MAGI2: variants seen among roughly 807,000 people sequenced by gnomAD.
MAGI2 encodes membrane associated guanylate kinase, WW and PDZ domain containing 2.
In MAGI2, 35 loss-of-function variants were observed where a neutral mutation model predicts 133.3. The ratio of observed to expected loss-of-function variants is 0.26; its 90% confidence interval spans 0.20 to 0.35. MAGI2 has a LOEUF of 0.35. Among genes scored for constraint, MAGI2 ranks in the 10% least tolerant of loss-of-function variants. The pLI is 1.00. For missense variants in MAGI2, 1,636 were observed against 1,863.4 expected, an observed-to-expected ratio of 0.88 and a Z score of 2.25; for synonymous variants, 729 against 710.6, an observed-to-expected ratio of 1.03 and a Z score of -0.41.
intron 2 of MAGI2, among the ~76,000 whole-genome samples, chr7:78,902,037 A>G (rs916043620): frequency 5.3e-5 from 8 of 152,198 alleles, no homozygotes; most frequent in Non-Finnish European, 1.2e-4. Context: ...CTTTATAGGA[A>G]GTGTAAAACC....
At chr7:78,854,974 T>A (rs1793498074) in intron 2 of MAGI2, among the ~76,000 whole-genome samples, 1 of 151,964 alleles carries the variant, frequency 6.6e-6, no homozygotes, top group South Asian at 2.1e-4. Flanking sequence ...TACCTTACCT[T>A]CCTGAGTAAC....
intron 1 of MAGI2, among the ~76,000 whole-genome samples, chr7:79,239,052 A>T (rs1323642773): frequency 1.3e-5 from 2 of 152,190 alleles, no homozygotes; most frequent in African/African-American, 4.8e-5. Flanking sequence ...TCTAAGTGGG[A>T]GATACAAATC....
At chr7:78,129,590 A>G (rs568861962) in intron 18 of MAGI2, among the ~76,000 whole-genome samples, 1 of 152,318 alleles carries the variant, frequency 6.6e-6, no homozygotes, top group South Asian at 2.1e-4. Context: ...TGTGGTATGA[A>G]AAAGTTCCAG....
At chr7:78,215,149 T>TG (rs1788142433) in intron 10 of MAGI2, among the ~76,000 whole-genome samples, 1 of 152,096 alleles carries the variant, frequency 6.6e-6, no homozygotes, top group South Asian at 2.1e-4. Flanking sequence ...AAGCGAAGAA[T>TG]GGGGAAAGTG....
intron 6 of MAGI2, among the ~76,000 whole-genome samples, chr7:78,441,254 G>C (rs1174061236): frequency 6.6e-6 from 1 of 152,154 alleles, no homozygotes; most frequent in Non-Finnish European, 1.5e-5. Flanking sequence ...CTTGATATTA[G>C]TTGCATTCTC....
intron 1 of MAGI2, 37 bp downstream of exon 1, chr7:79,452,983 C>T (rs1586042183): frequency 6.6e-7 from 1 of 1,513,284 alleles, no homozygotes; most frequent in South Asian, 1.3e-5. Flanking sequence ...AGCGGTCCCA[C>T]CGCCCGGCAA....
intron 10 of MAGI2, among the ~76,000 whole-genome samples, chr7:78,221,407 T>C (rs966885806): frequency 6.6e-6 from 1 of 152,150 alleles, no homozygotes. Flanking sequence ...TTAACTTAGG[T>C]TGTGAGATCT....
At chr7:78,289,546 A>G (rs1259549398) in intron 9 of MAGI2, among the ~76,000 whole-genome samples, 1 of 152,198 alleles carries the variant, frequency 6.6e-6, no homozygotes, top group Non-Finnish European at 1.5e-5. Context: ...CATCCAGGAG[A>G]ACTTCCCCAA....
chr7:79,444,123 C>T (rs368420944), intron 1 of MAGI2, among the ~76,000 whole-genome samples: 9 of 152,136 alleles, frequency 5.9e-5, no homozygotes, highest in Admixed American at 3.9e-4. Context: ...ACGCTTCATG[C>T]TAAAAACTCT....
chr7:79,242,697 C>T (rs1038736632), intron 1 of MAGI2, among the ~76,000 whole-genome samples: 1 of 152,086 alleles, frequency 6.6e-6, no homozygotes, highest in Non-Finnish European at 1.5e-5. Flanking sequence ...GTTGAATTGT[C>T]CTTTTTTGGA....
chr7:78,697,066 G>A (rs1009396022), intron 2 of MAGI2, among the ~76,000 whole-genome samples: 2 of 152,158 alleles, frequency 1.3e-5, no homozygotes, highest in African/African-American at 4.8e-5. Context: ...ATCACAAGGT[G>A]AAACTATAAT....
intron 6 of MAGI2, among the ~76,000 whole-genome samples, chr7:78,467,203 G>A (rs909194735): frequency 2.0e-5 from 3 of 152,100 alleles, no homozygotes; most frequent in African/African-American, 7.2e-5. Context: ...CTTTGCCCAT[G>A]CTAGTTTACA....
intron 1 of MAGI2, among the ~76,000 whole-genome samples, chr7:79,380,834 CAAAGTA>C (rs1200315035): frequency 6.6e-6 from 1 of 151,672 alleles, no homozygotes; most frequent in Non-Finnish European, 1.5e-5. Context: ...TAAAGTACTT[CAAAGTA>C]ATTATTTGTA....
intron 6 of MAGI2, among the ~76,000 whole-genome samples, chr7:78,458,252 T>C (rs1342279837): frequency 4.2e-5 from 6 of 144,572 alleles, no homozygotes; most frequent in Non-Finnish European, 7.4e-5. Flanking sequence ...GCTGAGATCA[T>C]GCCACTGCAC....
intron 12 of MAGI2, among the ~76,000 whole-genome samples, chr7:78,191,628 G>A (rs1828222947): frequency 6.6e-6 from 1 of 152,216 alleles, no homozygotes; most frequent in African/African-American, 2.4e-5. Context: ...TGAGCCTAAT[G>A]CTCTGAAATC....
chr7:79,040,100 G>C (rs557749846), intron 1 of MAGI2, among the ~76,000 whole-genome samples: 15 of 152,068 alleles, frequency 9.9e-5, no homozygotes, highest in African/African-American at 3.4e-4. Flanking sequence ...GGTCAAGGGA[G>C]AGACCAGGTG....
At chr7:79,273,525 G>T (rs1344871295) in intron 1 of MAGI2, among the ~76,000 whole-genome samples, 4 of 152,122 alleles carry the variant, frequency 2.6e-5, no homozygotes, top group African/African-American at 4.8e-5. Context: ...TGGTTGCAAA[G>T]TAGAGTGAAA....
chr7:78,334,549 C>T (rs1052923962), intron 9 of MAGI2, among the ~76,000 whole-genome samples: 1 of 152,142 alleles, frequency 6.6e-6, no homozygotes, highest in African/African-American at 2.4e-5. Context: ...TAGTCTCCAC[C>T]CTAAAAGTTA....
intron 2 of MAGI2, among the ~76,000 whole-genome samples, chr7:78,655,557 T>G (rs1278094493): frequency 2.0e-5 from 3 of 149,906 alleles, no homozygotes; most frequent in Non-Finnish European, 4.4e-5. Flanking sequence ...TCTCATATCC[T>G]TCAGGGCGGC....
Sources: gnomAD v4.1 joint callset for allele counts (sites outside exome capture counted in the v4.1 genomes callset) on GRCh38, gnomAD v4.1.1 for gene constraint, MANE v1.5 for transcripts, NCBI Gene and HGNC (gene_info 2026-07-23, HGNC 2026-07-21) for gene names.